Variants in NSMCE2 observed in about 807,000 individuals in gnomAD.
The protein encoded by NSMCE2 is E3 SUMO-protein ligase NSE2.
NSMCE2 carries 24 observed loss-of-function variants against 23.8 expected under a neutral mutation model. The observed-to-expected ratio is 1.01, with a 90% CI of 0.73 to 1.42. NSMCE2 has a LOEUF of 1.42. Ranked by LOEUF, NSMCE2 falls within the 40% of genes most tolerant of loss-of-function variation. NSMCE2 has a pLI of 0.00. For missense variants in NSMCE2, 284 were observed against 296.5 expected (o/e 0.96, Z 0.31); for synonymous variants, 92 against 94.1 (o/e 0.98, Z 0.13).
Position 125,232,293 on chromosome 8 carries a change from G to A in NSMCE2, c.418+50037G>A, listed in dbSNP as rs141762780. 1.6e-4 allele frequency among the ~76,000 whole-genome samples: 25 copies of A among 152,150 alleles called. 1 individual carries two copies. The East Asian group carries it at 4.6e-3, about 28-fold the overall frequency. On this transcript the variant is annotated intron_variant, in intron 5 of 7. Coordinates refer to ENST00000287437, the MANE Select transcript of NSMCE2 (RefSeq NM_173685.4). The stretch of plus-strand genomic sequence containing the variant: ...CAGGAGAATCGCTTGAACCCAGGAG[G>A]CGGAGGTTGTGGTGAGCCGAGATCG...
At chr8:125,182,405 GT>G (rs1822874716) in intron 5 of NSMCE2, 149 bp downstream of exon 5, 1 of 706,906 alleles carries the variant, frequency 1.4e-6, no homozygotes, top group Non-Finnish European at 2.5e-6. Flanking sequence ...TTGCAATTCT[GT>G]ATTTTGTCTA....
At chr8:125,308,687 C>T (rs921589351) in intron 5 of NSMCE2, among the ~76,000 whole-genome samples, 3 of 152,182 alleles carry the variant, frequency 2.0e-5, no homozygotes, top group African/African-American at 7.2e-5. Context: ...AAAGCATCTG[C>T]AAATTGCTTT....
intron 3 of NSMCE2, among the ~76,000 whole-genome samples, chr8:125,118,447 C>T (rs995343605): frequency 3.3e-5 from 5 of 152,078 alleles, no homozygotes; most frequent in Non-Finnish European, 5.9e-5. Context: ...CAGTAGGTCT[C>T]GAATGAGTCT....
At chr8:125,283,768 A>C (rs1462254311) in intron 5 of NSMCE2, among the ~76,000 whole-genome samples, 1 of 152,226 alleles carries the variant, frequency 6.6e-6, no homozygotes, top group African/African-American at 2.4e-5. Flanking sequence ...GTCAACATGT[A>C]GACCCTAGAG....
chr8:125,179,002 C>T (rs1323954126), intron 4 of NSMCE2, among the ~76,000 whole-genome samples: 2 of 152,122 alleles, frequency 1.3e-5, no homozygotes, highest in Non-Finnish European at 2.9e-5. Context: ...GCCATAGGAC[C>T]CAGCCCTGCT....
intron 5 of NSMCE2, among the ~76,000 whole-genome samples, chr8:125,222,166 A>G (rs1563728209): frequency 6.6e-6 from 1 of 152,090 alleles, no homozygotes; most frequent in Non-Finnish European, 1.5e-5. Flanking sequence ...TACTAAATAT[A>G]TTAATCATAT....
At chr8:125,100,085 T>A (rs1307804557) in intron 1 of NSMCE2, among the ~76,000 whole-genome samples, 1 of 151,932 alleles carries the variant, frequency 6.6e-6, no homozygotes, top group Non-Finnish European at 1.5e-5. Context: ...AAGCAGAGTG[T>A]ATGAGAACTG....
chr8:125,354,350 G>A (rs539650602), intron 5 of NSMCE2, among the ~76,000 whole-genome samples: 1 of 152,166 alleles, frequency 6.6e-6, no homozygotes, highest in Non-Finnish European at 1.5e-5. Context: ...TACCATACTG[G>A]GAAATTTTTA....
chr8:125,166,132 A>G (rs1821863140), intron 4 of NSMCE2, among the ~76,000 whole-genome samples: 1 of 152,170 alleles, frequency 6.6e-6, no homozygotes, highest in South Asian at 2.1e-4. Context: ...TTGAAATCAG[A>G]CTTACTATTT....
At chr8:125,322,748 G>T (rs1442940120) in intron 5 of NSMCE2, among the ~76,000 whole-genome samples, 1 of 152,212 alleles carries the variant, frequency 6.6e-6, no homozygotes, top group African/African-American at 2.4e-5. Context: ...TAATACGTGA[G>T]TTTAGCAAAT....
chr8:125,309,367 A>G (rs1828889621), intron 5 of NSMCE2, among the ~76,000 whole-genome samples: 1 of 152,198 alleles, frequency 6.6e-6, no homozygotes, highest in Non-Finnish European at 1.5e-5. Context: ...TTTGGATAAA[A>G]AGTCATATGT....
chr8:125,102,867 T>G (rs1818266338), intron 3 of NSMCE2, among the ~76,000 whole-genome samples: 1 of 152,198 alleles, frequency 6.6e-6, no homozygotes, highest in South Asian at 2.1e-4. Flanking sequence ...GTAGATAGAC[T>G]AAGCTTATGC....
At chr8:125,295,399 A>G (rs2131176868) in intron 5 of NSMCE2, among the ~76,000 whole-genome samples, 1 of 152,340 alleles carries the variant, frequency 6.6e-6, no homozygotes, top group Middle Eastern at 3.4e-3. Context: ...AAAAATTAAA[A>G]GTTGAAGAGA....
At chr8:125,150,384 A>G (rs959992439) in intron 3 of NSMCE2, among the ~76,000 whole-genome samples, 16 of 125,532 alleles carry the variant, frequency 1.3e-4, no homozygotes, top group African/African-American at 4.8e-4. Flanking sequence ...ACTGTATCTG[A>G]TATCTTTGGT....
chr8:125,195,688 G>A (rs1823579470), intron 5 of NSMCE2, among the ~76,000 whole-genome samples: 1 of 151,888 alleles, frequency 6.6e-6, no homozygotes, highest in Non-Finnish European at 1.5e-5. Flanking sequence ...TTACATTCTG[G>A]CACTGACCAT....
At chr8:125,106,087 A>T (rs1818445464) in intron 3 of NSMCE2, among the ~76,000 whole-genome samples, 1 of 151,606 alleles carries the variant, frequency 6.6e-6, no homozygotes, top group African/African-American at 2.4e-5. Flanking sequence ...AACTAATACC[A>T]GGAGTCAAAA....
chr8:125,231,891 C>G (rs1174474375), intron 5 of NSMCE2, among the ~76,000 whole-genome samples: 1 of 152,170 alleles, frequency 6.6e-6, no homozygotes, highest in African/African-American at 2.4e-5. Context: ...ACACTTAAGA[C>G]AGGTCTGCCT....
intron 1 of NSMCE2, chr8:125,094,323 G>A (rs1220202278): frequency 2.0e-5 from 3 of 152,232 alleles, no homozygotes; most frequent in Admixed American, 2.0e-4. Context: ...TGCTGTTAGA[G>A]TCAGAGAAAG....
At chr8:125,280,388 A>T (rs536597812) in intron 5 of NSMCE2, among the ~76,000 whole-genome samples, 1 of 152,270 alleles carries the variant, frequency 6.6e-6, no homozygotes, top group East Asian at 1.9e-4. Context: ...TTTCTAAAAC[A>T]TTTACCTAAA....
Sources: allele counts gnomAD v4.1 joint callset (sites outside exome capture counted in the v4.1 genomes callset), GRCh38; gene constraint gnomAD v4.1.1; transcripts MANE v1.5; gene names NCBI Gene and HGNC (gene_info 2026-07-23, HGNC 2026-07-21).